The following CTNNA3 variants were observed in gnomAD, a reference collection of about 807,000 sequenced individuals.
CTNNA3 encodes the protein catenin alpha-3.
In CTNNA3, 76 loss-of-function variants were observed where a neutral mutation model predicts 95.7. That is an observed-to-expected ratio of 0.79 (90% CI 0.66 to 0.96). CTNNA3 has a LOEUF of 0.96. CTNNA3 is among the 40% of genes least tolerant of loss of function. The probability of loss-of-function intolerance (pLI) is 0.00; values close to 1 mark genes in which losing one functional copy is unlikely to be tolerated. For missense variants in CTNNA3, 1,191 were observed against 1,089.8 expected, an observed-to-expected ratio of 1.09 and a Z score of -1.31; for synonymous variants, 431 against 374.4, an observed-to-expected ratio of 1.15 and a Z score of -1.74.
At chr10:66,538,345 T>C (rs1841731000) in intron 10 of CTNNA3, among the ~76,000 whole-genome samples, 1 of 152,178 alleles carries the variant, frequency 6.6e-6, no homozygotes, top group South Asian at 2.1e-4. Context: ...TAATTGGTTT[T>C]CTTGGACTCA....
intron 5 of CTNNA3, among the ~76,000 whole-genome samples, chr10:67,482,764 G>A (rs1848285292): frequency 6.6e-6 from 1 of 152,028 alleles, no homozygotes; most frequent in Non-Finnish European, 1.5e-5. Context: ...TGATTGCCCT[G>A]GCCAGAATTT....
intron 7 of CTNNA3, among the ~76,000 whole-genome samples, chr10:66,857,747 C>A (rs111595683): frequency 1.6e-3 from 240 of 151,990 alleles, no homozygotes; most frequent in African/African-American, 5.5e-3. Flanking sequence ...GATTTTTGTA[C>A]GTTGATTTTG....
intron 7 of CTNNA3, among the ~76,000 whole-genome samples, chr10:66,849,518 G>A (rs1232317377): frequency 6.6e-6 from 1 of 152,106 alleles, no homozygotes; most frequent in Non-Finnish European, 1.5e-5. Context: ...ATAGTGTGTT[G>A]TAGCTTTAAT....
intron 13 of CTNNA3, among the ~76,000 whole-genome samples, chr10:66,141,029 C>T (rs1289697424): frequency 2.0e-5 from 3 of 151,862 alleles, no homozygotes; most frequent in East Asian, 1.9e-4. Context: ...GAGGCCGAGG[C>T]GGGAGGATCA....
chr10:67,538,210 A>G (rs1840548232), intron 4 of CTNNA3, among the ~76,000 whole-genome samples: 1 of 150,828 alleles, frequency 6.6e-6, no homozygotes, highest in Non-Finnish European at 1.5e-5. Flanking sequence ...TACAGTAATA[A>G]AACTATCAAA....
chr10:66,705,614 G>A (rs1221081433), intron 9 of CTNNA3, among the ~76,000 whole-genome samples: 1 of 151,874 alleles, frequency 6.6e-6, no homozygotes, highest in Non-Finnish European at 1.5e-5. Flanking sequence ...TTGAGATTGA[G>A]GTGTTGACAT....
chr10:67,626,056 T>C (rs1838943353), intron 2 of CTNNA3, among the ~76,000 whole-genome samples: 1 of 151,858 alleles, frequency 6.6e-6, no homozygotes, highest in Non-Finnish European at 1.5e-5. Context: ...GTGGCATGCA[T>C]CTGTAGTCTC....
intron 11 of CTNNA3, among the ~76,000 whole-genome samples, chr10:66,442,868 C>G (rs993233396): frequency 6.6e-6 from 1 of 152,166 alleles, no homozygotes; most frequent in African/African-American, 2.4e-5. Context: ...CACTGCCTCA[C>G]TCGGGAAGCG....
chr10:67,707,104 A>T (rs966179182), intron 1 of CTNNA3, among the ~76,000 whole-genome samples: 1 of 152,140 alleles, frequency 6.6e-6, no homozygotes, highest in Non-Finnish European at 1.5e-5. Flanking sequence ...TAACATGTCC[A>T]CATTTCTCTA....
At chr10:66,121,100 A>G (rs1331868559) in intron 13 of CTNNA3, among the ~76,000 whole-genome samples, 1 of 152,218 alleles carries the variant, frequency 6.6e-6, no homozygotes, top group East Asian at 1.9e-4. Context: ...GCTAGGAAAC[A>G]AAAATCTTGC....
chr10:67,172,886 A>G (rs983700704), intron 7 of CTNNA3, among the ~76,000 whole-genome samples: 2 of 151,916 alleles, frequency 1.3e-5, no homozygotes, highest in Non-Finnish European at 2.9e-5. Flanking sequence ...GAGGCAGGAG[A>G]ACCACTTGAA....
At chr10:66,451,081 C>T (rs1234868351) in intron 11 of CTNNA3, among the ~76,000 whole-genome samples, 1 of 152,110 alleles carries the variant, frequency 6.6e-6, no homozygotes, top group Non-Finnish European at 1.5e-5. Context: ...CACACACATA[C>T]ACTCACATAC....
At chr10:66,052,238 C>T (rs551229389) in intron 15 of CTNNA3, among the ~76,000 whole-genome samples, 1 of 152,186 alleles carries the variant, frequency 6.6e-6, no homozygotes, top group Admixed American at 6.5e-5. Flanking sequence ...TATAGTTGCA[C>T]CCAATTGACC....
At chr10:66,722,044 G>A (rs781100211) in intron 9 of CTNNA3, among the ~76,000 whole-genome samples, 1 of 152,148 alleles carries the variant, frequency 6.6e-6, no homozygotes, top group South Asian at 2.1e-4. Flanking sequence ...GGGTATTATA[G>A]TATAACCAGG....
At chr10:67,423,810 C>T (rs112223413) in intron 5 of CTNNA3, among the ~76,000 whole-genome samples, 2,991 of 152,216 alleles carry the variant, frequency 0.02, 99 homozygotes, top group African/African-American at 0.067. Context: ...ACATAGTGTG[C>T]TCAATCAATG....
chr10:66,704,874 A>G lies in CTNNA3; in HGVS notation c.1281+61390T>C, dbSNP rs550838032. 9.4e-4 allele frequency among the ~76,000 whole-genome samples: 143 copies of G among 152,186 alleles called. No individual in the cohort carries two copies. In the Middle Eastern group the frequency reaches 0.02, roughly 22 times the overall value. The stretch of plus-strand genomic sequence containing the variant: ...CTTCTTCCTTTCCAATCTGGATGTC[A>G]TTTGTTCATTCATTCATTCATTCAT... On this transcript the variant is annotated intron_variant, in intron 9 of 17. Transcript: ENST00000433211.
intron 15 of CTNNA3, among the ~76,000 whole-genome samples, chr10:66,021,141 A>C (rs1316130749): frequency 6.6e-6 from 1 of 152,182 alleles, no homozygotes; most frequent in Non-Finnish European, 1.5e-5. Flanking sequence ...CACGGACATG[A>C]CTTAAAGACA....
intron 5 of CTNNA3, among the ~76,000 whole-genome samples, chr10:67,474,672 T>C (rs970269709): frequency 6.6e-6 from 1 of 152,146 alleles, no homozygotes; most frequent in Non-Finnish European, 1.5e-5. Context: ...AAAAGATTAT[T>C]AACATAGTCA....
At chr10:66,008,315 C>T (rs911675905) in intron 15 of CTNNA3, among the ~76,000 whole-genome samples, 1 of 152,196 alleles carries the variant, frequency 6.6e-6, no homozygotes, top group Non-Finnish European at 1.5e-5. Context: ...TGGTGGCTTA[C>T]ACACTGGTGC....
Sources: gnomAD v4.1 joint callset for allele counts (sites outside exome capture counted in the v4.1 genomes callset) on GRCh38, gnomAD v4.1.1 for gene constraint, MANE v1.5 for transcripts, NCBI Gene and HGNC (gene_info 2026-07-23, HGNC 2026-07-21) for gene names.